Variants in SCRN3 observed in about 807,000 individuals in gnomAD.
SCRN3 encodes secernin-3.
A neutral mutation model predicts 43.1 loss-of-function variants in SCRN3; 39 were observed. The observed-to-expected ratio is 0.91, with a 90% CI of 0.70 to 1.18. The LOEUF (loss-of-function observed/expected upper bound fraction) is 1.18, where lower values mean the gene tolerates loss of function less well. Ranked by LOEUF, SCRN3 falls within the 50% of genes most tolerant of loss-of-function variation. The pLI is 0.00. For missense variants in SCRN3, 484 were observed against 498.0 expected, an observed-to-expected ratio of 0.97 and a Z score of 0.27; for synonymous variants, 147 against 163.1, an observed-to-expected ratio of 0.90 and a Z score of 0.75.
chr2:174,425,288 G>A (rs900561254), intron 7 of SCRN3, among the ~76,000 whole-genome samples: 2 of 152,152 alleles, frequency 1.3e-5, no homozygotes, highest in Non-Finnish European at 2.9e-5. Context: ...AGATAGATAG[G>A]TCATTTTATA....
chr2:174,398,445 A>G lies in SCRN3; in HGVS notation c.159+3A>G, dbSNP rs113349710. On this transcript the variant is annotated splice_donor_region_variant and intron_variant, in intron 2 of 7. Coordinates refer to ENST00000272732, the MANE Select transcript of SCRN3 (RefSeq NM_024583.5). ...ATAACCTGGGAGAACGTCTTAAGGT[A>G]GGTGAAATAAATGTTTTGTTAGCAA... The G allele has an allele frequency of 6.3e-7, 1 of 1,586,348 alleles. No individual in the cohort carries two copies. Among genetic ancestry groups the G allele is most frequent in the East Asian group, 2.3e-5 (1 of 43,786 alleles).
At chr2:174,425,541 ATAAT>A (rs944516560) in intron 7 of SCRN3, among the ~76,000 whole-genome samples, 5 of 152,232 alleles carry the variant, frequency 3.3e-5, no homozygotes, top group South Asian at 2.1e-4. Context: ...CCTCCAGGTA[ATAAT>A]TTATTTATTT....
At position 174,417,577 on chromosome 2, in the gene SCRN3, T is replaced by G. The variant is rs188911855; in HGVS notation, c.755-5308T>G. On this transcript the variant is annotated intron_variant, in intron 5 of 7. Transcript: ENST00000272732. Reference sequence around the variant, plus strand: ...CCCAGCTAATTTTTTGTATTTTTAGTAGAGACAGGGTTTCATTTTGTTGGC... The same window carrying G: ...CCCAGCTAATTTTTTGTATTTTTAGGAGAGACAGGGTTTCATTTTGTTGGC... Among the ~76,000 whole-genome samples, 1,150 of 152,222 alleles carry G rather than the reference T, an allele frequency of 7.6e-3. 18 individuals carry two copies. Among genetic ancestry groups the G allele is most frequent in the African/African-American group, 0.026 (1,090 of 41,530 alleles).
At chr2:174,402,342 CTA>C (rs1685535320) in intron 4 of SCRN3, among the ~76,000 whole-genome samples, 1 of 152,148 alleles carries the variant, frequency 6.6e-6, no homozygotes, top group South Asian at 2.1e-4. Flanking sequence ...CTTTCTATTA[CTA>C]ACTAAGCCCA....
intron 3 of SCRN3, among the ~76,000 whole-genome samples, chr2:174,400,481 A>G (rs1295354385): frequency 6.6e-6 from 1 of 151,992 alleles, no homozygotes; most frequent in African/African-American, 2.4e-5. Context: ...TTTTTTTTTC[A>G]GAGACTAGGG....
At chr2:174,402,656 T>G (rs1390743150) in intron 4 of SCRN3, among the ~76,000 whole-genome samples, 1 of 152,122 alleles carries the variant, frequency 6.6e-6, no homozygotes, top group Non-Finnish European at 1.5e-5. Flanking sequence ...GCCACTGTAC[T>G]CTAGCCTGGG....
At chr2:174,397,213 A>T (rs1685353807) in intron 1 of SCRN3, 5 of 967,922 alleles carry the variant, frequency 5.2e-6, no homozygotes, top group Non-Finnish European at 6.1e-6. Flanking sequence ...TTAAGGAAAC[A>T]TTTATTATAT....
chr2:174,418,976 C>G (rs1029603133), intron 5 of SCRN3, among the ~76,000 whole-genome samples: 1 of 152,140 alleles, frequency 6.6e-6, no homozygotes, highest in African/African-American at 2.4e-5. Context: ...AGAATGTAGA[C>G]TTGTATAAAT....
chr2:174,417,543 A>G (rs1686157668), intron 5 of SCRN3, among the ~76,000 whole-genome samples: 1 of 151,964 alleles, frequency 6.6e-6, no homozygotes. Flanking sequence ...ACAGGCACTC[A>G]CCACCAAGCC....
chr2:174,404,201 G>A lies in SCRN3; in HGVS notation c.640G>A (p.Asp214Asn). Residue 214 changes from aspartate to asparagine, a missense_variant, in exon 5 of 8, where the codon GAT becomes AAT. Asp to Asn is a conservative substitution (Grantham distance 23). Transcript: ENST00000272732. ...RNYAKRKGWW[D>N]GKKEFDFAAA... ...CTATGCTAAGCGGAAAGGTTGGTGG[G>A]ATGGTAAAAAGGAGTTTGATTTTGC... The A allele has an allele frequency of 6.2e-7, 1 of 1,613,882 alleles. No homozygotes were observed. Among genetic ancestry groups the A allele is most frequent in the Non-Finnish European group, 8.5e-7 (1 of 1,179,854 alleles).
intron 5 of SCRN3, among the ~76,000 whole-genome samples, chr2:174,415,349 C>T (rs960333460): frequency 1.3e-5 from 2 of 151,778 alleles, no homozygotes; most frequent in African/African-American, 4.8e-5. Flanking sequence ...AAAAAAATGG[C>T]ATGTTACAAT....
At chr2:174,398,035 G>A (rs892132530) in intron 1 of SCRN3, among the ~76,000 whole-genome samples, 1 of 152,112 alleles carries the variant, frequency 6.6e-6, no homozygotes, top group Admixed American at 6.6e-5. Flanking sequence ...GGCAGAAGGG[G>A]GAGGATCTCC....
chr2:174,411,653 G>T (rs1302361739), intron 5 of SCRN3, among the ~76,000 whole-genome samples: 2 of 152,116 alleles, frequency 1.3e-5, no homozygotes, highest in African/African-American at 4.8e-5. Flanking sequence ...TGGGTTCTGT[G>T]GCTCACGTAT....
Position 174,423,024 on chromosome 2 carries a change from T to G in SCRN3, c.894T>G (p.Phe298Leu). Residue 298 changes from phenylalanine to leucine, a missense_variant, in exon 6 of 8, where the codon TTT becomes TTG. Phe to Leu is a conservative substitution (Grantham distance 22, BLOSUM62 0). Transcript: ENST00000272732. The part of the protein sequence containing the change: ...QDSSLPCIHF[F>L]TGTPDPERSV... Reference sequence around the variant, plus strand: ...CCAGCCTTCCTTGCATTCACTTCTTTACAGGGACTCCTGATCCTGAGAGGT... The same window carrying G: ...CCAGCCTTCCTTGCATTCACTTCTTGACAGGGACTCCTGATCCTGAGAGGT... The G allele has an allele frequency of 3.1e-6, 5 of 1,613,328 alleles. No individual in the cohort carries two copies. The highest frequency in any genetic ancestry group is 4.2e-6 in the Non-Finnish European group (5 of 1,179,518).
At chr2:174,399,835 TCTGA>T (rs1197944595) in intron 2 of SCRN3, 83 bp from the exon 3 acceptor site, 4 of 995,534 alleles carry the variant, frequency 4.0e-6, no homozygotes, top group Non-Finnish European at 5.3e-6. Context: ...AGTTTTGTCT[TCTGA>T]CTGATTTTTT....
chr2:174,397,958 C>T lies in SCRN3; in HGVS notation c.-9-317C>T, dbSNP rs373728950. 9.2e-5 allele frequency among the ~76,000 whole-genome samples: 14 copies of T among 152,164 alleles called. No homozygotes were observed. In the East Asian group the frequency reaches 1.9e-3, roughly 21 times the overall value. On this transcript the variant is annotated intron_variant, in intron 1 of 7. Transcript: ENST00000272732. ...TTACTGATTTTTAGGCTGTAGTATA[C>T]AAAATTTAAAACTTTAATGAACAGC...
At chr2:174,416,006 T>C (rs1686092252) in intron 5 of SCRN3, among the ~76,000 whole-genome samples, 1 of 152,148 alleles carries the variant, frequency 6.6e-6, no homozygotes, top group South Asian at 2.1e-4. Flanking sequence ...GTGATTGATA[T>C]TTGCTTCTCA....
intron 5 of SCRN3, 56 bp downstream of exon 5, chr2:174,404,371 A>T: frequency 2.6e-6 from 3 of 1,160,738 alleles, no homozygotes; most frequent in Non-Finnish European, 3.8e-6. Flanking sequence ...GTGTAGATGT[A>T]ATATGGGAAT....
At chr2:174,414,602 G>T (rs1240947530) in intron 5 of SCRN3, among the ~76,000 whole-genome samples, 1 of 151,814 alleles carries the variant, frequency 6.6e-6, no homozygotes, top group Non-Finnish European at 1.5e-5. Context: ...TTCCCTTATG[G>T]TAGTATTTTA....
Sources: gnomAD v4.1 joint callset for allele counts (sites outside exome capture counted in the v4.1 genomes callset) on GRCh38, gnomAD v4.1.1 for gene constraint, MANE v1.5 for transcripts, NCBI Gene and HGNC (gene_info 2026-07-23, HGNC 2026-07-21) for gene names.